The following DPYSL2 variants were observed in gnomAD, a reference collection of about 807,000 sequenced individuals.
DPYSL2 encodes dihydropyrimidinase like 2.
In DPYSL2, 13 loss-of-function variants were observed where a neutral mutation model predicts 69.9. The ratio of observed to expected loss-of-function variants is 0.19; its 90% CI spans 0.12 to 0.30. DPYSL2 has a LOEUF of 0.30. DPYSL2 is among the 10% of genes least tolerant of loss of function. DPYSL2 has a pLI of 1.00. For synonymous variants in DPYSL2, 326 were observed against 359.1 expected (o/e 0.91, Z 1.04); for missense variants, 587 against 918.9 (o/e 0.64, Z 4.67).
chr8:26,577,986 T>G (rs920888382), intron 1 of DPYSL2: 25 of 1,301,584 alleles, frequency 1.9e-5, no homozygotes, highest in Non-Finnish European at 2.4e-5. Flanking sequence ...CCTGTTTCTC[T>G]CTCTCCTTCT....
chr8:26,606,098 A>C (rs1315082308), intron 3 of DPYSL2, among the ~76,000 whole-genome samples: 1 of 152,204 alleles, frequency 6.6e-6, no homozygotes, highest in African/African-American at 2.4e-5. Context: ...CTAGCTCCAG[A>C]AGAGACAGCT....
At position 26,591,452 on chromosome 8, in the gene DPYSL2, G is replaced by A. The variant is rs2129773352; in HGVS notation, c.628+7469G>A. ...CCTATGTCCTGGCTGAGTGAGTTGG[G>A]CAGAGACTTCTGAGGACAGCGATCG... On this transcript the variant is annotated intron_variant, in intron 3 of 13. Transcript: ENST00000521913. The surrounding 1 kb of genome is among the most constrained non-coding windows in gnomAD (Gnocchi z 5.8). Among the ~76,000 whole-genome samples the A allele has an allele frequency of 6.6e-6, 1 of 152,308 alleles. No homozygotes were observed. Among genetic ancestry groups the A allele is most frequent in the East Asian group, 1.9e-4 (1 of 5,180 alleles).
At position 26,516,020 on chromosome 8, in the gene DPYSL2, T is replaced by C. The variant is rs903187863; in HGVS notation, c.354+1341T>C. Among the ~76,000 whole-genome samples the C allele has an allele frequency of 6.6e-6, 1 of 152,230 alleles. No individual in the cohort carries two copies. Among genetic ancestry groups the C allele is most frequent in the African/African-American group, 2.4e-5 (1 of 41,456 alleles). On this transcript the variant is annotated intron_variant, in intron 1 of 13. Transcript: ENST00000521913. This position sits in a 1 kb window ranked among gnomAD's most constrained non-coding sequence, Gnocchi z 4.8. ...GATGGTTGGGGCATGATTTGACTGT[T>C]TGCTGATGTGACATAGAGTTTTGCA...
chr8:26,539,061 A>G (rs945908557), intron 1 of DPYSL2, among the ~76,000 whole-genome samples: 1 of 152,180 alleles, frequency 6.6e-6, no homozygotes, highest in African/African-American at 2.4e-5. Context: ...CTCAATGTTT[A>G]GCTCCCACTA....
intron 1 of DPYSL2, among the ~76,000 whole-genome samples, chr8:26,523,053 T>G (rs1183472814): frequency 6.6e-6 from 1 of 152,098 alleles, no homozygotes; most frequent in Non-Finnish European, 1.5e-5. Context: ...GAGTGTTTTG[T>G]GCACTGAATA....
In DPYSL2 at chr8:26,597,777, T is replaced by C. The variant is rs1023723414; in HGVS notation, c.628+13794T>C. 5.9e-5 allele frequency among the ~76,000 whole-genome samples: 3 copies of C among 50,696 alleles called. No individual in the cohort carries two copies. Among genetic ancestry groups the C allele is most frequent in the Non-Finnish European group, 1.8e-4 (3 of 17,034 alleles). The allele number at this position is 50,696 out of a possible 152,430, so 33.3% of individuals were successfully genotyped here. On this transcript the variant is annotated intron_variant, in intron 3 of 13. Coordinates refer to ENST00000521913, the MANE Select transcript of DPYSL2 (RefSeq NM_001197293.3). This position sits in a 1 kb window ranked among gnomAD's most constrained non-coding sequence, Gnocchi z 5.2. ...GCAAGAGCCACCGCACCTGGCCTCTTTTTTTTTTTTTTTTTTTTGAGGGGC... is the reference window on the plus strand; with the variant it reads ...GCAAGAGCCACCGCACCTGGCCTCTCTTTTTTTTTTTTTTTTTTGAGGGGC...
chr8:26,615,812 C>G (rs1405425031), intron 3 of DPYSL2, among the ~76,000 whole-genome samples: 2 of 152,130 alleles, frequency 1.3e-5, no homozygotes, highest in African/African-American at 4.8e-5. Flanking sequence ...AGTTCCAGCT[C>G]TTAGGAAAAT....
intron 3 of DPYSL2, among the ~76,000 whole-genome samples, chr8:26,622,728 C>G (rs1473671138): frequency 6.6e-6 from 1 of 152,146 alleles, no homozygotes; most frequent in East Asian, 1.9e-4. Context: ...GTCTCAAACT[C>G]TTGATTCATG....
At chr8:26,629,619 C>T (rs1260993764) in intron 7 of DPYSL2, among the ~76,000 whole-genome samples, 1 of 152,190 alleles carries the variant, frequency 6.6e-6, no homozygotes, top group Non-Finnish European at 1.5e-5. Flanking sequence ...GCAGGCAAGC[C>T]CCTGTGTCAG....
chr8:26,630,170 A>C (rs958411447), intron 7 of DPYSL2, among the ~76,000 whole-genome samples: 10 of 152,256 alleles, frequency 6.6e-5, no homozygotes, highest in Admixed American at 4.6e-4. Flanking sequence ...ACACACATGC[A>C]CATATGCGCT....
At chr8:26,553,278 A>G (rs191903708) in intron 1 of DPYSL2, among the ~76,000 whole-genome samples, 2 of 152,296 alleles carry the variant, frequency 1.3e-5, no homozygotes. Flanking sequence ...TTATATAGGT[A>G]AACTTATGTC....
Position 26,585,649 on chromosome 8 carries a change from C to G in DPYSL2, c.628+1666C>G, listed in dbSNP as rs1466420828. Among the ~76,000 whole-genome samples the G allele has an allele frequency of 6.6e-6, 1 of 152,162 alleles. No individual in the cohort carries two copies. The highest frequency in any genetic ancestry group is 1.9e-4 in the East Asian group (1 of 5,196). On this transcript the variant is annotated intron_variant, in intron 3 of 13. Coordinates refer to ENST00000521913, the MANE Select transcript of DPYSL2 (RefSeq NM_001197293.3). This position sits in a 1 kb window ranked among gnomAD's most constrained non-coding sequence, Gnocchi z 4.0. ...CTGGCACCTGTGGGCGTTTCTGCCT[C>G]TCCTCCAGGGCGGACTGTGGAGAAA...
intron 11 of DPYSL2, among the ~76,000 whole-genome samples, chr8:26,651,968 C>A (rs1490786411): frequency 2.6e-5 from 4 of 152,222 alleles, no homozygotes; most frequent in Admixed American, 2.0e-4. Flanking sequence ...TAGGAAGAAT[C>A]ATTTTCTTTA....
intron 3 of DPYSL2, among the ~76,000 whole-genome samples, chr8:26,622,073 TTTTC>T (rs1237614193): frequency 0.012 from 1,637 of 138,552 alleles, 61 homozygotes; most frequent in African/African-American, 0.024. Context: ...CTTTTCTTTT[TTTTC>T]TTTCTTTCTT....
At chr8:26,632,771 C>G (rs1000347394) in intron 7 of DPYSL2, among the ~76,000 whole-genome samples, 1 of 152,214 alleles carries the variant, frequency 6.6e-6, no homozygotes, top group Non-Finnish European at 1.5e-5. Flanking sequence ...CGTCCCTGTC[C>G]CCGCCTGGTG....
intron 1 of DPYSL2, among the ~76,000 whole-genome samples, chr8:26,531,780 C>T (rs1234658829): frequency 2.6e-5 from 4 of 151,012 alleles, no homozygotes; most frequent in Non-Finnish European, 5.9e-5. Flanking sequence ...TGATGGTCAG[C>T]AGTATTAAAG....
intron 8 of DPYSL2, among the ~76,000 whole-genome samples, chr8:26,637,254 T>G (rs1474504338): frequency 6.6e-6 from 1 of 152,248 alleles, no homozygotes; most frequent in Non-Finnish European, 1.5e-5. Context: ...GAAAGGAATT[T>G]CCAGTGCATT....
chr8:26,591,275 G>C lies in DPYSL2; in HGVS notation c.628+7292G>C, dbSNP rs1363571016. Among the ~76,000 whole-genome samples, 1 of 152,206 alleles carries C rather than the reference G, an allele frequency of 6.6e-6. No individual in the cohort carries two copies. Among genetic ancestry groups the C allele is most frequent in the Non-Finnish European group, 1.5e-5 (1 of 68,024 alleles). ...TGGCCTGATTGACAGCTGGAACCGG[G>C]AGTGGAGGTGGGGCCCATGGGAATG... On this transcript the variant is annotated intron_variant, in intron 3 of 13. Transcript: ENST00000521913. The surrounding 1 kb of genome is among the most constrained non-coding windows in gnomAD (Gnocchi z 5.8).
chr8:26,586,559 C>G lies in DPYSL2; in HGVS notation c.628+2576C>G, dbSNP rs1801608197. On this transcript the variant is annotated intron_variant, in intron 3 of 13. Transcript: ENST00000521913. This position sits in a 1 kb window ranked among gnomAD's most constrained non-coding sequence, Gnocchi z 4.7. The stretch of plus-strand genomic sequence containing the variant: ...CTTGTTTTTGACTCTTTCCTGCCTT[C>G]CCTTCCCCACCACAGGAGCATCACC... Among the ~76,000 whole-genome samples the G allele has an allele frequency of 6.6e-6, 1 of 152,216 alleles. No individual in the cohort carries two copies. Among genetic ancestry groups the G allele is most frequent in the Non-Finnish European group, 1.5e-5 (1 of 68,028 alleles).
Sources: allele counts gnomAD v4.1 joint callset (sites outside exome capture counted in the v4.1 genomes callset), GRCh38; gene constraint gnomAD v4.1.1; non-coding constraint Gnocchi (gnomAD v3.1); transcripts MANE v1.5; gene names NCBI Gene and HGNC (gene_info 2026-07-23, HGNC 2026-07-21).